TANGO6: variants seen among roughly 807,000 people sequenced by gnomAD.
TANGO6 encodes transport and golgi organization 6 homolog, also known as transport and Golgi organization protein 6 homolog.
In TANGO6, 90 loss-of-function variants were observed where a neutral mutation model predicts 114.2. The ratio of observed to expected loss-of-function variants is 0.79; its 90% CI spans 0.66 to 0.94. The LOEUF (loss-of-function observed/expected upper bound fraction) is 0.94, where lower values mean the gene tolerates loss of function less well. TANGO6 is among the 40% of genes least tolerant of loss of function. The pLI, the probability that TANGO6 is intolerant of heterozygous loss-of-function variation, is 0.00. For synonymous variants in TANGO6, 477 were observed against 509.8 expected (o/e 0.94, Z 0.87); for missense variants, 1,274 against 1,315.3 (o/e 0.97, Z 0.49).
intron 12 of TANGO6, among the ~76,000 whole-genome samples, chr16:68,919,847 G>C (rs1050344152): frequency 7.2e-5 from 11 of 152,040 alleles, no homozygotes; most frequent in African/African-American, 2.7e-4. Context: ...TTTGAGACCA[G>C]CCTGGTCAAC....
intron 15 of TANGO6, among the ~76,000 whole-genome samples, chr16:69,018,505 T>C (rs539541173): frequency 6.6e-6 from 1 of 152,114 alleles, no homozygotes; most frequent in East Asian, 1.9e-4. Flanking sequence ...TCATAGGAAT[T>C]AAGTATCAGA....
intron 15 of TANGO6, among the ~76,000 whole-genome samples, chr16:68,988,418 C>T (rs1452875575): frequency 1.3e-5 from 2 of 152,228 alleles, no homozygotes; most frequent in Non-Finnish European, 2.9e-5. Flanking sequence ...ACTAACAGAT[C>T]TCTCAAGTTT....
intron 16 of TANGO6, among the ~76,000 whole-genome samples, chr16:69,025,247 G>A (rs1184233669): frequency 6.6e-6 from 1 of 152,210 alleles, no homozygotes; most frequent in Non-Finnish European, 1.5e-5. Flanking sequence ...GATAAATGAG[G>A]ATACACTGGA....
intron 17 of TANGO6, among the ~76,000 whole-genome samples, chr16:69,041,684 G>A (rs750456592): frequency 1.3e-5 from 2 of 152,048 alleles, no homozygotes; most frequent in Non-Finnish European, 2.9e-5. Context: ...CTTTACCCTC[G>A]GCTGCATTTC....
intron 5 of TANGO6, 73 bp from the exon 6 acceptor site, chr16:68,878,045 A>T: frequency 7.7e-7 from 1 of 1,301,580 alleles, no homozygotes; most frequent in South Asian, 1.7e-5. Flanking sequence ...AAAGAAATTC[A>T]TGCTTTTTGT....
chr16:68,997,731 C>A (rs1964004554), intron 15 of TANGO6, among the ~76,000 whole-genome samples: 2 of 152,146 alleles, frequency 1.3e-5, no homozygotes, highest in Admixed American at 6.5e-5. Context: ...GAATGCAGCC[C>A]AGCAGGTCTC....
chr16:68,863,218 G>A (rs1483365512), intron 3 of TANGO6, 157 bp downstream of exon 3: 14 of 505,490 alleles, frequency 2.8e-5, no homozygotes, highest in Admixed American at 1.1e-4. Context: ...TATAAAACTA[G>A]ATGACGCTGA....
In TANGO6 at chr16:69,063,415, G is replaced by A. The variant is rs557492647; in HGVS notation, c.3109-20070G>A. ...TGGCAGGCGCCTGTAGTCTCAGCTA[G>A]TCAGGAGGCTGAGGCAGGAGAATGG... On this transcript the variant is annotated intron_variant, in intron 17 of 17. Transcript: ENST00000261778. 2.6e-5 allele frequency among the ~76,000 whole-genome samples: 4 copies of A among 151,872 alleles called. No individual in the cohort carries two copies. The South Asian group carries it at 6.2e-4, about 24-fold the overall frequency.
intron 14 of TANGO6, among the ~76,000 whole-genome samples, chr16:68,973,296 T>C (rs1316303967): frequency 6.6e-6 from 1 of 152,176 alleles, no homozygotes; most frequent in Non-Finnish European, 1.5e-5. Context: ...CACTGTTCTT[T>C]ATAGTGTGTA....
intron 1 of TANGO6, among the ~76,000 whole-genome samples, chr16:68,855,223 T>C (rs958596777): frequency 1.3e-5 from 2 of 151,668 alleles, no homozygotes; most frequent in Non-Finnish European, 2.9e-5. Flanking sequence ...AAATAAAACA[T>C]AAAAAATTTC....
chr16:68,862,484 A>C (rs2152158541), intron 2 of TANGO6, among the ~76,000 whole-genome samples: 1 of 152,318 alleles, frequency 6.6e-6, no homozygotes, highest in Middle Eastern at 3.4e-3. Flanking sequence ...GGCGTGAGCC[A>C]CCACGCCTGG....
intron 17 of TANGO6, among the ~76,000 whole-genome samples, chr16:69,045,837 G>A (rs988645619): frequency 7.9e-5 from 12 of 151,198 alleles, no homozygotes; most frequent in Non-Finnish European, 8.8e-5. Context: ...AGGCTGAGGC[G>A]GGTGGATCAC....
intron 16 of TANGO6, among the ~76,000 whole-genome samples, chr16:69,033,491 G>T (rs774097873): frequency 6.6e-6 from 1 of 152,188 alleles, no homozygotes; most frequent in Non-Finnish European, 1.5e-5. Flanking sequence ...ACACGATAGA[G>T]CCAGCACCAA....
At position 68,906,976 on chromosome 16, in the gene TANGO6, G is replaced by T. The variant is rs1962859017; in HGVS notation, c.1668-467G>T. The stretch of plus-strand genomic sequence containing the variant: ...GCCCAGCTAATTTTTGTATTTTTTA[G>T]TAGAGACGGGGTTTCACCATGTTGG... On this transcript the variant is annotated intron_variant, in intron 9 of 17. Transcript: ENST00000261778. Among the ~76,000 whole-genome samples the T allele has an allele frequency of 7.9e-5, 12 of 151,806 alleles. No individual in the cohort carries two copies. The South Asian group carries it at 2.5e-3, about 32-fold the overall frequency.
At chr16:69,049,399 C>T (rs1959911221) in intron 17 of TANGO6, among the ~76,000 whole-genome samples, 1 of 151,744 alleles carries the variant, frequency 6.6e-6, no homozygotes, top group Non-Finnish European at 1.5e-5. Context: ...GGTTAAGGCT[C>T]ATCCATGTTT....
chr16:68,873,287 G>A (rs2152166177), intron 4 of TANGO6, among the ~76,000 whole-genome samples: 1 of 152,046 alleles, frequency 6.6e-6, no homozygotes, highest in African/African-American at 2.4e-5. Flanking sequence ...TTGGCATAAT[G>A]TTTTTGAGAT....
intron 15 of TANGO6, among the ~76,000 whole-genome samples, chr16:68,981,210 CTTTTTTT>C (rs553789256): frequency 4.5e-5 from 5 of 111,052 alleles, no homozygotes; most frequent in Admixed American, 9.3e-5. Flanking sequence ...TTTTCTTTTC[CTTTTTTT>C]TTTTTTTTTT....
chr16:68,869,492 A>T (rs572105056), intron 4 of TANGO6, among the ~76,000 whole-genome samples: 10 of 152,286 alleles, frequency 6.6e-5, no homozygotes, highest in African/African-American at 2.2e-4. Flanking sequence ...AAACAAACAA[A>T]CAAAAACCCA....
intron 14 of TANGO6, among the ~76,000 whole-genome samples, chr16:68,940,112 CTTCTTTCTT>C (rs1205128474): frequency 7.0e-6 from 1 of 142,648 alleles, no homozygotes; most frequent in Non-Finnish European, 1.5e-5. Context: ...CCTTCTTTTC[CTTCTTTCTT>C]TTCTTTCTTT....
Sources: allele counts gnomAD v4.1 joint callset (sites outside exome capture counted in the v4.1 genomes callset), GRCh38; gene constraint gnomAD v4.1.1; transcripts MANE v1.5; gene names NCBI Gene and HGNC (gene_info 2026-07-23, HGNC 2026-07-21).